Variants in EXOC7 observed in about 807,000 individuals in gnomAD.
The protein encoded by EXOC7 is exocyst complex component Exo70.
Under a neutral mutation model 87.6 loss-of-function variants are expected in EXOC7, and 51 were observed. That is an observed-to-expected ratio of 0.58 (90% CI 0.46 to 0.73). EXOC7 has a LOEUF of 0.73. Among genes scored for constraint, EXOC7 ranks in the 30% least tolerant of loss-of-function variants. The probability of loss-of-function intolerance (pLI) is 0.00; values close to 1 mark genes in which losing one functional copy is unlikely to be tolerated. For missense variants in EXOC7, 744 were observed against 888.4 expected, an observed-to-expected ratio of 0.84 and a Z score of 2.07; for synonymous variants, 327 against 357.1, an observed-to-expected ratio of 0.92 and a Z score of 0.95.
At chr17:76,087,608 C>A (rs889453489) in intron 12 of EXOC7, 46 bp downstream of exon 12, 9 of 1,534,748 alleles carry the variant, frequency 5.9e-6, no homozygotes, top group Middle Eastern at 1.7e-4. Flanking sequence ...TGTCTCCAGG[C>A]AAGGAGGCGA....
chr17:76,101,875 A>T lies in EXOC7; in HGVS notation c.127-12T>A, dbSNP rs1229422561. 6.2e-7 allele frequency: 1 copy of T among 1,603,692 alleles called. No homozygotes were observed. The highest frequency in any genetic ancestry group is 8.5e-7 in the Non-Finnish European group (1 of 1,174,682). ...GATAAGATAGACACCTGCGGGAGGG[A>T]AGCCTCTTGATCTTGGGACTCACAG... On this transcript the variant is annotated splice_polypyrimidine_tract_variant and intron_variant, in intron 2 of 18. Transcript: ENST00000589210.
intron 6 of EXOC7, among the ~76,000 whole-genome samples, chr17:76,092,047 C>T (rs1216300585): frequency 6.6e-6 from 1 of 152,158 alleles, no homozygotes; most frequent in Non-Finnish European, 1.5e-5. Context: ...TGAGACATCT[C>T]GGGCCAGAAG....
chr17:76,088,795 C>G lies in EXOC7; in HGVS notation c.1176G>C (p.Lys392Asn). The change falls in exon 9 of 19, where the codon AAG becomes AAC. Residue 392 changes from lysine to asparagine, a missense_variant. By Grantham distance (94) the Lys-to-Asn change is moderately conservative. Around this residue, in one of 3 missense-constraint regions of EXOC7, gnomAD observed 512 missense variants for 573.0 expected, o/e 0.89. Coordinates refer to ENST00000589210, the MANE Select transcript of EXOC7 (RefSeq NM_001013839.4). Reference sequence around the variant, plus strand: ...CCTGGAGCACCTGGTCAAACTCAGGCTTGGTCTGCTTGAGGTGTCGCAGGA... The same window carrying G: ...CCTGGAGCACCTGGTCAAACTCAGGGTTGGTCTGCTTGAGGTGTCGCAGGA... ...FPILRHLKQT[K>N]PEFDQVLQGT... 6.2e-7 allele frequency: 1 copy of G among 1,613,846 alleles called. No homozygotes were observed. Among genetic ancestry groups the G allele is most frequent in the Non-Finnish European group, 8.5e-7 (1 of 1,180,044 alleles).
chr17:76,091,062 C>T, intron 7 of EXOC7, 81 bp downstream of exon 7: 1 of 1,302,902 alleles, frequency 7.7e-7, no homozygotes. Flanking sequence ...CCGAGGCCCT[C>T]CTGGGGGAGG....
rs779325010 is a variant in EXOC7, at chr17:76,101,214, G to C, written c.417+57C>G. 5.0e-6 allele frequency: 8 copies of C among 1,613,802 alleles called. No homozygotes were observed. The African/African-American group carries it at 1.1e-4, about 22-fold the overall frequency. Reference sequence around the variant, plus strand: ...CAAGCTGGCTCCATGTCCCTCATGAGACCAGGGCAGAGACTGATATCCCCA... The same window carrying C: ...CAAGCTGGCTCCATGTCCCTCATGACACCAGGGCAGAGACTGATATCCCCA... On this transcript the variant is annotated intron_variant, in intron 4 of 18. Transcript: ENST00000589210.
chr17:76,091,600 C>T, intron 6 of EXOC7: 1 of 200,834 alleles, frequency 5.0e-6, no homozygotes, highest in South Asian at 7.8e-5. Flanking sequence ...AGCTCGCATA[C>T]CCAGAGGGCA....
At chr17:76,101,205 C>T (rs754303042) in intron 4 of EXOC7, 66 bp downstream of exon 4, 8 of 1,613,500 alleles carry the variant, frequency 5.0e-6, no homozygotes, top group Non-Finnish European at 6.8e-6. Flanking sequence ...GGCTCCATGT[C>T]CCTCATGAGA....
chr17:76,097,541 T>C (rs1245876005), intron 5 of EXOC7, among the ~76,000 whole-genome samples: 1 of 150,764 alleles, frequency 6.6e-6, no homozygotes, highest in East Asian at 1.9e-4. Context: ...CCATCTCTAC[T>C]AACAATACAA....
In EXOC7 at chr17:76,098,027, A is replaced by T. The variant is rs370367037; in HGVS notation, c.418-9T>A. 6 of 1,613,174 alleles carry T rather than the reference A, an allele frequency of 3.7e-6. No individual in the cohort carries two copies. The African/African-American group carries it at 6.7e-5, about 18-fold the overall frequency. ...CGCTCAAAGAGCAGTTTCTGCACAG[A>T]CAACAGAAGGAAGCAGGTGCCTGCT... is the stretch of plus-strand genomic sequence containing the variant. On this transcript the variant is annotated splice_polypyrimidine_tract_variant and intron_variant, in intron 4 of 18. Coordinates refer to ENST00000589210, the MANE Select transcript of EXOC7 (RefSeq NM_001013839.4).
chr17:76,103,099 G>A, intron 2 of EXOC7: 1 of 521,094 alleles, frequency 1.9e-6, no homozygotes, highest in Non-Finnish European at 3.5e-6. Context: ...GTTTGCAGAA[G>A]GAGAGAAGGA....
rs754741502 is a variant in EXOC7 at position 76,081,415 on chromosome 17, GGGA to G, written c.*2230_*2232del. The G allele has an allele frequency of 9.3e-6, 15 of 1,613,816 alleles. No individual in the cohort carries two copies. The highest frequency in any genetic ancestry group is 1.3e-5 in the Non-Finnish European group (15 of 1,179,968). On this transcript the variant is annotated 3_prime_UTR_variant, in exon 19 of 19. Transcript: ENST00000589210. ...CTTCCAGGTGACGGTGAGTCAAGTC[GGGA>G]GGAGGCCGACAGAGGGCTGCTGGAG...
intron 7 of EXOC7, chr17:76,090,195 G>C: frequency 1.0e-6 from 1 of 993,122 alleles, no homozygotes; most frequent in Non-Finnish European, 1.4e-6. Flanking sequence ...AGAGAGAGTG[G>C]AGAGAGAGGC....
rs1397643041 is a variant in EXOC7 at position 76,097,932 on chromosome 17, C to A, written c.504G>T (p.Val168=). The part of the protein sequence containing the change: ...MTRHSKVVSP[V]LILDLISGDD... ...CACCACTGATCAGATCCAAGATGAG[C>A]ACGGGCGAGACGACCTTACTGTGCC... is the stretch of plus-strand genomic sequence containing the variant. The change falls in exon 5 of 19, where the codon GTG becomes GTT. Residue 168 remains valine, a synonymous_variant. Coordinates refer to ENST00000589210, the MANE Select transcript of EXOC7 (RefSeq NM_001013839.4). 9.9e-6 allele frequency: 16 copies of A among 1,613,910 alleles called. No individual in the cohort carries two copies. Among genetic ancestry groups the A allele is most frequent in the Middle Eastern group, 1.6e-4 (1 of 6,084 alleles).
At chr17:76,087,137 C>T (rs1011981964) in intron 12 of EXOC7, 6 of 485,638 alleles carry the variant, frequency 1.2e-5, no homozygotes, top group African/African-American at 2.0e-5. Context: ...GCTCCTTGCC[C>T]CCAAAATGGG....
chr17:76,094,717 T>G, intron 5 of EXOC7, 136 bp from the exon 6 acceptor site: 3 of 831,208 alleles, frequency 3.6e-6, no homozygotes, highest in Non-Finnish European at 5.6e-6. Context: ...CACCCATATC[T>G]TGTCCCAAAT....
chr17:76,089,616 C>A, intron 7 of EXOC7: 1 of 464,134 alleles, frequency 2.2e-6, no homozygotes, highest in Non-Finnish European at 4.0e-6. Flanking sequence ...GGGAAGATTC[C>A]TGAATCAGCG....
intron 5 of EXOC7, among the ~76,000 whole-genome samples, chr17:76,096,505 C>T (rs1306259876): frequency 8.7e-6 from 1 of 115,154 alleles, no homozygotes; most frequent in African/African-American, 3.1e-5. Flanking sequence ...GAGCGAGACT[C>T]TGTCTCAAAA....
rs374914758 is a variant in EXOC7, at chr17:76,081,871, G to T, written c.*1777C>A. 3.9e-5 allele frequency: 62 copies of T among 1,608,214 alleles called. No individual in the cohort carries two copies. The highest frequency in any genetic ancestry group is 5.0e-5 in the Non-Finnish European group (59 of 1,176,048). Reference sequence around the variant, plus strand: ...GCCCCTGAGCATCTCCCTGTGCCCTGCCTCCCCCAGTTTACTACTTCACCA... The same window carrying T: ...GCCCCTGAGCATCTCCCTGTGCCCTTCCTCCCCCAGTTTACTACTTCACCA... On this transcript the variant is annotated 3_prime_UTR_variant, in exon 19 of 19. Transcript: ENST00000589210.
Position 76,091,143 on chromosome 17 carries a change from C to T in EXOC7, c.901G>A (p.Gly301Arg). ...KGGSNLIPLE[G>R]RDDMLDVETD... ...CAGGAGGGGAACACAGGGTGATTAC[C>T]TTCCAGAGGAATGAGGTTAGAGCCC... The change falls in exon 7 of 19, where the codon GGG (glycine) becomes AGG (arginine). Residue 301 changes from glycine to arginine, a missense_variant and splice_region_variant. Coordinates refer to ENST00000589210, the MANE Select transcript of EXOC7 (RefSeq NM_001013839.4). The T allele has an allele frequency of 1.2e-6, 2 of 1,613,166 alleles. No individual in the cohort carries two copies. The highest frequency in any genetic ancestry group is 1.7e-6 in the Non-Finnish European group (2 of 1,179,108).
Sources: gnomAD v4.1 joint callset for allele counts (sites outside exome capture counted in the v4.1 genomes callset) on GRCh38, gnomAD v4.1.1 for gene constraint, gnomAD v4.1.1 regional missense constraint, MANE v1.5 for transcripts, NCBI Gene and HGNC (gene_info 2026-07-23, HGNC 2026-07-21) for gene names.